The following REPS2 variants were observed in gnomAD, a reference collection of about 807,000 sequenced individuals.
The protein encoded by REPS2 is RALBP1 associated Eps domain containing 2, also known as ralBP1-associated Eps domain-containing protein 2.
REPS2 carries 23 observed loss-of-function variants against 53.6 expected under a neutral mutation model. That is an observed-to-expected ratio of 0.43 (90% CI 0.31 to 0.61). The LOEUF is 0.61. Ranked by LOEUF, REPS2 falls within the 20% of genes least tolerant of loss-of-function variation. REPS2 has a pLI of 0.11. For synonymous variants in REPS2, 238 were observed against 218.6 expected (o/e 1.09, Z -0.78); for missense variants, 446 against 534.9 (o/e 0.83, Z 1.64).
At chrX:17,018,212 C>CTTTTT (rs200578522) in intron 2 of REPS2, among the ~76,000 whole-genome samples, 4 of 92,280 alleles carry the variant, frequency 4.3e-5, no homozygotes, top group African/African-American at 1.2e-4. Context: ...TGGCAACTGC[C>CTTTTT]TTTTTTTTTT....
rs775743876 is a variant in REPS2 at position 17,148,943 on chromosome X, G to A, written c.*1462G>A. The A allele has an allele frequency of 3.2e-5, 12 of 375,028 alleles. No homozygotes were observed. The highest frequency in any genetic ancestry group is 2.8e-4 in the South Asian group (12 of 42,769). The allele number at this position is 375,028 out of a possible 1,213,427, so 30.9% of individuals were successfully genotyped here. A position where few individuals can be genotyped will look rare whatever the true frequency, so the allele number is the denominator to read the frequency against. ...CAGCCTTTGATTTCAATAGAGCTGA[G>A]AGCTTTTAGAACAAGCAGGCATTTA... On this transcript the variant is annotated 3_prime_UTR_variant, in exon 18 of 18. Coordinates refer to ENST00000357277, the MANE Select transcript of REPS2 (RefSeq NM_004726.3).
At position 17,148,899 on chromosome X, in the gene REPS2, G is replaced by A. The variant is rs769687812; in HGVS notation, c.*1418G>A. On this transcript the variant is annotated 3_prime_UTR_variant, in exon 18 of 18. Transcript: ENST00000357277. ...GTCTTTTTGAAGCAGTTTTGGATAGGTTTGCAATATGTGGGATTCAGCCTT... is the reference window on the plus strand; with the variant it reads ...GTCTTTTTGAAGCAGTTTTGGATAGATTTGCAATATGTGGGATTCAGCCTT... 2 of 372,562 alleles carry A rather than the reference G, an allele frequency of 5.4e-6. No individual in the cohort carries two copies. Among genetic ancestry groups the A allele is most frequent in the African/African-American group, 5.1e-5 (2 of 39,006 alleles). 30.7% of individuals were successfully genotyped at this position (372,562 alleles called of 1,213,427 possible).
At chrX:17,025,009 A>C (rs1479763732) in intron 3 of REPS2, 50 bp from the exon 4 acceptor site, 1 of 1,210,900 alleles carries the variant, frequency 8.3e-7, no homozygotes, top group Admixed American at 2.2e-5. Context: ...TGCAGCTCAG[A>C]ACGCCAGGCT....
the REPS2 span, among the ~76,000 whole-genome samples, chrX:17,166,889 C>G: frequency 8.9e-6 from 1 of 112,119 alleles, no homozygotes; most frequent in African/African-American, 3.2e-5. Flanking sequence ...GGTGTACATA[C>G]TGATTTGGGA....
At chrX:17,100,043 A>G (rs773569152) in intron 13 of REPS2, 60 of 1,158,318 alleles carry the variant, frequency 5.2e-5, no homozygotes, top group Admixed American at 2.0e-4. Flanking sequence ...CCTCTCCCTT[A>G]TCTTCAGAAT....
chrX:16,998,155 G>A (rs1172928470), intron 1 of REPS2, among the ~76,000 whole-genome samples: 1 of 111,828 alleles, frequency 8.9e-6, no homozygotes, highest in Non-Finnish European at 1.9e-5. Context: ...GGGCTGAGGC[G>A]GGAGGATCAC....
chrX:17,110,811 C>T (rs1356893842), intron 14 of REPS2, among the ~76,000 whole-genome samples: 2 of 111,100 alleles, frequency 1.8e-5, no homozygotes, highest in Admixed American at 1.9e-4. Context: ...GTCAGGAGTT[C>T]GAGACCAGCC....
intron 13 of REPS2, 26 bp from the exon 14 acceptor site, chrX:17,103,692 T>C: frequency 8.3e-7 from 1 of 1,202,155 alleles, no homozygotes; most frequent in Non-Finnish European, 1.1e-6. Context: ...GGGGTGATCC[T>C]TAATAGTATG....
chrX:17,067,961 GGTA>G (rs1294637843), intron 9 of REPS2, among the ~76,000 whole-genome samples: 1 of 111,729 alleles, frequency 9.0e-6, no homozygotes, highest in African/African-American at 3.3e-5. Context: ...AAAAAAATAA[GGTA>G]GTATTAAATG....
At chrX:16,951,538 CACACACACACACACACACA>C (rs2060507497) in intron 1 of REPS2, among the ~76,000 whole-genome samples, 1 of 55,298 alleles carries the variant, frequency 1.8e-5, no homozygotes, top group African/African-American at 5.2e-5. Context: ...CACACACACA[CACACACACACACACACACA>C]CACCCCCGCT....
chrX:17,192,615 T>C, the REPS2 span, among the ~76,000 whole-genome samples: 1 of 111,740 alleles, frequency 8.9e-6, no homozygotes, highest in African/African-American at 3.3e-5. Flanking sequence ...TTTGAAACTT[T>C]AAAATTTTTG....
chrX:17,096,288 G>A (rs903108475), intron 13 of REPS2, among the ~76,000 whole-genome samples: 9 of 111,606 alleles, frequency 8.1e-5, no homozygotes, highest in African/African-American at 2.9e-4. Flanking sequence ...AGCACACTAG[G>A]AAATGAAGCA....
chrX:17,023,461 T>A (rs1474763184), intron 3 of REPS2, among the ~76,000 whole-genome samples: 1 of 109,539 alleles, frequency 9.1e-6, no homozygotes, highest in Non-Finnish European at 1.9e-5. Flanking sequence ...CGAATGAAAA[T>A]GTTTTTAAAA....
At chrX:16,973,946 A>G (rs900988319) in intron 1 of REPS2, among the ~76,000 whole-genome samples, 4 of 111,247 alleles carry the variant, frequency 3.6e-5, no homozygotes, top group African/African-American at 9.8e-5. Context: ...TTGCTAACCC[A>G]TATCTGTTTG....
In REPS2 at chrX:17,056,486, G is replaced by A. The variant is rs182977749; in HGVS notation, c.1114+1536G>A. 2.9e-3 allele frequency among the ~76,000 whole-genome samples: 322 copies of A among 111,451 alleles called. 9 individuals are homozygous for A. The East Asian group carries it at 0.057, about 20-fold the overall frequency. Reference sequence around the variant, plus strand: ...GGGCGGATCATGAGGTCAGGAGATCGAGACCATCCTGGCTAACACGGTGAA... The same window carrying A: ...GGGCGGATCATGAGGTCAGGAGATCAAGACCATCCTGGCTAACACGGTGAA... On this transcript the variant is annotated intron_variant, in intron 8 of 17. Transcript: ENST00000357277.
the REPS2 span, among the ~76,000 whole-genome samples, chrX:17,185,071 T>G: frequency 9.0e-6 from 1 of 111,049 alleles, no homozygotes; most frequent in Admixed American, 9.7e-5. Context: ...GTGTTTCTTC[T>G]GCTTGGGCGA....
At chrX:17,155,413 A>G (rs1166208920), downstream of REPS2, among the ~76,000 whole-genome samples, 1 of 111,662 alleles carries the variant, frequency 9.0e-6, no homozygotes, top group African/African-American at 3.3e-5. Context: ...CCCACCCCTC[A>G]ACACTGCCAC....
Position 17,000,528 on chromosome X carries a change from A to G in REPS2, c.274-5693A>G, listed in dbSNP as rs148597978. On this transcript the variant is annotated intron_variant, in intron 1 of 17. Transcript: ENST00000357277. ...CTACTGAGGGTATCTGAAAGGATAT[A>G]AAGTATAGCCCAGGGAAGTAGCATG... is the stretch of plus-strand genomic sequence containing the variant. Among the ~76,000 whole-genome samples, 553 of 112,088 alleles carry G rather than the reference A, an allele frequency of 4.9e-3. 5 individuals carry two copies. Among genetic ancestry groups the G allele is most frequent in the African/African-American group, 0.016 (506 of 30,851 alleles).
intron 1 of REPS2, among the ~76,000 whole-genome samples, chrX:16,985,538 T>A (rs746381740): frequency 1.0e-3 from 114 of 112,573 alleles, no homozygotes; most frequent in African/African-American, 3.3e-3. Flanking sequence ...ATCTGTTGAC[T>A]TGACATCCTG....
Sources: allele counts gnomAD v4.1 joint callset (sites outside exome capture counted in the v4.1 genomes callset), GRCh38; gene constraint gnomAD v4.1.1; transcripts MANE v1.5; gene names NCBI Gene and HGNC (gene_info 2026-07-23, HGNC 2026-07-21).